The following KHDRBS3 variants were observed in gnomAD, a reference collection of about 807,000 sequenced individuals.
KHDRBS3 encodes KH RNA binding domain containing, signal transduction associated 3, also known as KH domain-containing, RNA-binding, signal transduction-associated protein 3.
A neutral mutation model predicts 45.6 loss-of-function variants in KHDRBS3; 23 were observed. The observed-to-expected ratio is 0.50, with a 90% CI of 0.36 to 0.72. KHDRBS3 has a LOEUF of 0.72. Ranked by LOEUF, KHDRBS3 falls within the 30% of genes least tolerant of loss-of-function variation. The pLI is 0.00. For missense variants in KHDRBS3, 352 were observed against 424.8 expected (o/e 0.83, Z 1.51); for synonymous variants, 162 against 156.5 (o/e 1.04, Z -0.26).
chr8:135,458,024 G>C (rs563140540), intron 1 of KHDRBS3, 70 bp downstream of exon 1: 2 of 1,494,124 alleles, frequency 1.3e-6, no homozygotes, highest in African/African-American at 1.5e-5. Context: ...GGGCCCAGGG[G>C]GCCCCTCCGT....
intron 3 of KHDRBS3, among the ~76,000 whole-genome samples, chr8:135,547,917 G>C (rs1826391741): frequency 6.6e-6 from 1 of 152,148 alleles, no homozygotes; most frequent in Non-Finnish European, 1.5e-5. Context: ...AAAATCAGTA[G>C]TTCCTTAACG....
At chr8:135,599,834 G>A (rs1242882891) in intron 6 of KHDRBS3, among the ~76,000 whole-genome samples, 1 of 152,278 alleles carries the variant, frequency 6.6e-6, no homozygotes, top group South Asian at 2.1e-4. Flanking sequence ...GAAACAGCCT[G>A]TGCGGAGGAA....
At chr8:135,625,038 G>C in intron 7 of KHDRBS3, 2 of 501,334 alleles carry the variant, frequency 4.0e-6, no homozygotes, top group Non-Finnish European at 7.1e-6. Flanking sequence ...GGAGTGAAAC[G>C]TCTGCAAAAT....
At chr8:135,646,864 C>T in intron 8 of KHDRBS3, 129 bp from the exon 9 acceptor site, 2 of 511,654 alleles carry the variant, frequency 3.9e-6, no homozygotes, top group South Asian at 3.4e-5. Flanking sequence ...TTTTTCTTTT[C>T]AGTACACCAG....
chr8:135,580,590 C>CCT (rs1169923352), intron 5 of KHDRBS3, among the ~76,000 whole-genome samples: 7 of 147,104 alleles, frequency 4.8e-5, no homozygotes, highest in South Asian at 2.2e-4. Flanking sequence ...AAATCCTCTT[C>CCT]CTCTCTCTCT....
At chr8:135,591,071 T>G (rs1255350998) in intron 6 of KHDRBS3, among the ~76,000 whole-genome samples, 1 of 152,212 alleles carries the variant, frequency 6.6e-6, no homozygotes, top group African/African-American at 2.4e-5. Context: ...GAACAGAGTG[T>G]GGAATCATCC....
chr8:135,627,452 G>A (rs948305414), intron 7 of KHDRBS3, among the ~76,000 whole-genome samples: 1 of 152,144 alleles, frequency 6.6e-6, no homozygotes, highest in African/African-American at 2.4e-5. Flanking sequence ...CAAAAGGATT[G>A]ATACATTATC....
intron 1 of KHDRBS3, among the ~76,000 whole-genome samples, chr8:135,508,415 G>A (rs1824115234): frequency 6.6e-6 from 1 of 152,154 alleles, no homozygotes; most frequent in Non-Finnish European, 1.5e-5. Flanking sequence ...AGTCTGAACA[G>A]AACTAATCTC....
intron 6 of KHDRBS3, among the ~76,000 whole-genome samples, chr8:135,601,740 A>G (rs977784407): frequency 6.6e-6 from 1 of 152,184 alleles, no homozygotes; most frequent in Non-Finnish European, 1.5e-5. Flanking sequence ...GTAGATTCTA[A>G]GCTTAGATGT....
chr8:135,626,103 T>C, intron 7 of KHDRBS3: 1 of 506,568 alleles, frequency 2.0e-6, no homozygotes, highest in Non-Finnish European at 3.5e-6. Context: ...TAAGGACTCA[T>C]TTAAAAAGGA....
intron 5 of KHDRBS3, among the ~76,000 whole-genome samples, chr8:135,572,482 G>T (rs1298441003): frequency 2.6e-5 from 4 of 151,476 alleles, no homozygotes; most frequent in Non-Finnish European, 4.4e-5. Context: ...TTTTTTAATT[G>T]CATTGAAGAT....
At chr8:135,515,110 T>TA (rs1160240274) in intron 1 of KHDRBS3, among the ~76,000 whole-genome samples, 3 of 152,064 alleles carry the variant, frequency 2.0e-5, no homozygotes, top group Non-Finnish European at 4.4e-5. Flanking sequence ...CTCACGCCTG[T>TA]AATCCCAGCA....
chr8:135,540,004 A>G (rs867290578), intron 2 of KHDRBS3: 2 of 152,218 alleles, frequency 1.3e-5, no homozygotes, highest in South Asian at 2.1e-4. Context: ...TTTGGATTGG[A>G]TGATTTCTAA....
intron 5 of KHDRBS3, among the ~76,000 whole-genome samples, chr8:135,562,762 TA>T (rs1827229173): frequency 1.3e-5 from 2 of 152,176 alleles, no homozygotes; most frequent in South Asian, 2.1e-4. Flanking sequence ...GCCTTGTGGC[TA>T]AAGATGAGGG....
chr8:135,586,222 G>C lies in KHDRBS3; in HGVS notation c.807+4149G>C, dbSNP rs533185383. Among the ~76,000 whole-genome samples the C allele has an allele frequency of 2.6e-5, 4 of 152,194 alleles. No homozygotes were observed. In the East Asian group the frequency reaches 7.7e-4, roughly 29 times the overall value. On this transcript the variant is annotated intron_variant, in intron 6 of 8. Transcript: ENST00000355849. Reference sequence around the variant, plus strand: ...GAGAATTTAAGGTCAGGGAAGTTAAGTGCCTTGCCCAAAGTCACAGGACTG... The same window carrying C: ...GAGAATTTAAGGTCAGGGAAGTTAACTGCCTTGCCCAAAGTCACAGGACTG...
At chr8:135,476,659 A>G (rs1348269293) in intron 1 of KHDRBS3, among the ~76,000 whole-genome samples, 1 of 152,150 alleles carries the variant, frequency 6.6e-6, no homozygotes, top group Non-Finnish European at 1.5e-5. Flanking sequence ...AGATGGGGAA[A>G]CCGAGCATCA....
rs75884846 is a variant in KHDRBS3 at position 135,461,896 on chromosome 8, T to C, written c.88+3942T>C. Among the ~76,000 whole-genome samples, 1,469 of 152,332 alleles carry C rather than the reference T, an allele frequency of 9.6e-3. 19 individuals carry two copies. Among genetic ancestry groups the C allele is most frequent in the African/African-American group, 0.03 (1,264 of 41,576 alleles). On this transcript the variant is annotated intron_variant, in intron 1 of 8. Coordinates refer to ENST00000355849, the MANE Select transcript of KHDRBS3 (RefSeq NM_006558.3). Reference sequence around the variant, plus strand: ...AAAGTTTTTTGTTTGTATATCAAAATGGTTTTTATATCAGTTTCTCAAATA... The same window carrying C: ...AAAGTTTTTTGTTTGTATATCAAAACGGTTTTTATATCAGTTTCTCAAATA...
In KHDRBS3 at chr8:135,647,011, A is replaced by C; in HGVS notation, c.968A>C (p.Asn323Thr). 6.2e-7 allele frequency: 1 copy of C among 1,601,506 alleles called. No individual in the cohort carries two copies. Among genetic ancestry groups the C allele is most frequent in the Non-Finnish European group, 8.6e-7 (1 of 1,168,556 alleles). ...ATTGTAGGGCAAGAAGAGTGGACTA[A>C]CTCAAGACACAAGGCACCTTCAGCG... ...YDSYGQEEWT[N>T]SRHKAPSART... Residue 323 changes from asparagine (N) to threonine (T), a missense_variant, in exon 9 of 9, where the codon AAC (asparagine) becomes ACC (threonine). Asn to Thr is a moderately conservative substitution (Grantham distance 65). Around this residue, in one of 6 missense-constraint regions of KHDRBS3, gnomAD observed 212 missense variants for 209.6 expected, o/e 1.01. Coordinates refer to ENST00000355849, the MANE Select transcript of KHDRBS3 (RefSeq NM_006558.3).
intron 1 of KHDRBS3, among the ~76,000 whole-genome samples, chr8:135,485,979 TTG>T (rs1209127805): frequency 2.6e-5 from 4 of 151,926 alleles, no homozygotes; most frequent in Non-Finnish European, 4.4e-5. Flanking sequence ...TGTTGTTGAC[TTG>T]TGTTAGGCAG....
Sources: allele counts gnomAD v4.1 joint callset (sites outside exome capture counted in the v4.1 genomes callset), GRCh38; gene constraint gnomAD v4.1.1; regional missense constraint gnomAD v4.1.1; transcripts MANE v1.5; gene names NCBI Gene and HGNC (gene_info 2026-07-23, HGNC 2026-07-21).